Variants in TEX264 observed in about 807,000 individuals in gnomAD.
The protein encoded by TEX264 is testis-expressed protein 264.
In TEX264, 13 loss-of-function variants were observed where a neutral mutation model predicts 23.4. The ratio of observed to expected loss-of-function variants is 0.56; its 90% CI spans 0.36 to 0.88. The LOEUF (loss-of-function observed/expected upper bound fraction) is 0.88. Among genes scored for constraint, TEX264 ranks in the 40% least tolerant of loss-of-function variants. The pLI is 0.01. For missense variants in TEX264, 340 were observed against 406.8 expected, an observed-to-expected ratio of 0.84 and a Z score of 1.41; for synonymous variants, 159 against 170.0, an observed-to-expected ratio of 0.94 and a Z score of 0.50.
intron 3 of TEX264, among the ~76,000 whole-genome samples, chr3:51,684,946 A>G (rs1702562671): frequency 6.6e-6 from 1 of 152,248 alleles, no homozygotes; most frequent in Non-Finnish European, 1.5e-5. Context: ...CTCCTGGCTC[A>G]GATGAATGGA....
At chr3:51,673,929 G>C (rs997856737) in intron 1 of TEX264, among the ~76,000 whole-genome samples, 1 of 152,088 alleles carries the variant, frequency 6.6e-6, no homozygotes, top group African/African-American at 2.4e-5. Flanking sequence ...GTACATCTTC[G>C]GGGAGACTTG....
At chr3:51,678,039 A>T (rs1022209638) in intron 2 of TEX264, among the ~76,000 whole-genome samples, 1 of 152,156 alleles carries the variant, frequency 6.6e-6, no homozygotes, top group Non-Finnish European at 1.5e-5. Flanking sequence ...ATGGGGTATG[A>T]GTTCAGAGAT....
chr3:51,674,704 G>T, intron 2 of TEX264, 142 bp downstream of exon 2: 1 of 1,001,580 alleles, frequency 1.0e-6, no homozygotes, highest in Non-Finnish European at 1.4e-6. Flanking sequence ...TGAGCTTGAA[G>T]CACCTTCCAG....
chr3:51,691,067 A>G lies in TEX264; in HGVS notation c.480+6433A>G, dbSNP rs944679182. On this transcript the variant is annotated intron_variant, in intron 3 of 4. Coordinates refer to ENST00000341333, the MANE Select transcript of TEX264 (RefSeq NM_015926.6). The surrounding 1 kb of genome is among the most constrained non-coding windows in gnomAD (Gnocchi z 4.4). ...TGGGCTTTCTTTCCTTCTTTCTCCA[A>G]CCCTGGTAGTCACAGTTGGAGGCTG... is the stretch of plus-strand genomic sequence containing the variant. 2.0e-4 allele frequency among the ~76,000 whole-genome samples: 30 copies of G among 152,056 alleles called. No homozygotes were observed. The highest frequency in any genetic ancestry group is 4.4e-5 in the Non-Finnish European group (3 of 68,006).
In TEX264 at chr3:51,684,586, C is replaced by T. The variant is rs956652457; in HGVS notation, c.432C>T (p.Ile144=). ...ATFPYTTILS[I]WLATRRVHPA... ...TCCCCTACACCACCATTCTGTCCATCTGGCTGGCTACCCGCCGTGTCCATC... is the reference window on the plus strand; with the variant it reads ...TCCCCTACACCACCATTCTGTCCATTTGGCTGGCTACCCGCCGTGTCCATC... Residue 144 remains isoleucine (I), a synonymous_variant, in exon 3 of 5, where the codon ATC becomes ATT. Transcript: ENST00000341333. The T allele has an allele frequency of 4.3e-6, 7 of 1,614,130 alleles. No individual in the cohort carries two copies. Among genetic ancestry groups the T allele is most frequent in the African/African-American group, 4.0e-5 (3 of 74,936 alleles).
chr3:51,698,547 G>T (rs891833855), intron 3 of TEX264, among the ~76,000 whole-genome samples: 1 of 152,194 alleles, frequency 6.6e-6, no homozygotes, highest in Non-Finnish European at 1.5e-5. Context: ...TGGCATGTCT[G>T]TGCCCCTCCA....
At chr3:51,696,066 T>C (rs1465351045) in intron 3 of TEX264, among the ~76,000 whole-genome samples, 2 of 152,132 alleles carry the variant, frequency 1.3e-5, no homozygotes, top group Non-Finnish European at 2.9e-5. Flanking sequence ...TGGAGAGGAA[T>C]GTGAACATCT....
intron 3 of TEX264, 56 bp downstream of exon 3, chr3:51,684,690 G>A: frequency 6.4e-7 from 1 of 1,567,438 alleles, no homozygotes; most frequent in Admixed American, 1.7e-5. Flanking sequence ...CTTGGGTGGA[G>A]CTGAGGAGGA....
chr3:51,671,429 G>C, intron 1 of TEX264, 141 bp downstream of exon 1: 1 of 153,556 alleles, frequency 6.5e-6, no homozygotes, highest in Non-Finnish European at 1.5e-5. Context: ...ATCTTGTCTT[G>C]CCCACAGCTG....
chr3:51,704,034 C>T lies in TEX264; in HGVS notation c.*18C>T, dbSNP rs559509307. The T allele has an allele frequency of 5.3e-5, 77 of 1,466,316 alleles. No homozygotes were observed. In the African/African-American group the frequency reaches 9.1e-4, roughly 17 times the overall value. The allele number at this position is 1,466,316 out of a possible 1,614,324, so 90.8% of individuals were successfully genotyped here. A position where few individuals can be genotyped will look rare whatever the true frequency, so the allele number is the denominator to read the frequency against. ...AGGAGTAACCCATGGCCTGCACCCT[C>T]CTGCAGTGCAGTTGCTGAGGAACTG... On this transcript the variant is annotated 3_prime_UTR_variant, in exon 5 of 5. Coordinates refer to ENST00000341333, the MANE Select transcript of TEX264 (RefSeq NM_015926.6).
At position 51,703,903 on chromosome 3, in the gene TEX264, G is replaced by C. The variant is rs1703424556; in HGVS notation, c.829G>C (p.Asp277His). The C allele has an allele frequency of 6.2e-7, 1 of 1,610,862 alleles. No homozygotes were observed. Among genetic ancestry groups the C allele is most frequent in the Admixed American group, 1.7e-5 (1 of 59,930 alleles). The change falls in exon 5 of 5, where the codon GAC (aspartate) becomes CAC (histidine). Residue 277 changes from aspartate to histidine, a missense_variant. Transcript: ENST00000341333. The surrounding 1 kb of genome is among the most constrained non-coding windows in gnomAD (Gnocchi z 4.8). ...CAGCGGCTCCTCTTTTGAGGAGCTG[G>C]ACTTGGAGGGCGAGGGGCCCTTAGG... is the stretch of plus-strand genomic sequence containing the variant. ...GASGSSFEELDLEGEGPLGES... is the reference protein window; with the variant it reads ...GASGSSFEELHLEGEGPLGES...
rs1703201138 is a variant in TEX264, at chr3:51,699,511, A to G, written c.586A>G (p.Lys196Glu). The G allele has an allele frequency of 6.2e-7, 1 of 1,613,932 alleles. No individual in the cohort carries two copies. Among genetic ancestry groups the G allele is most frequent in the East Asian group, 2.2e-5 (1 of 44,892 alleles). Residue 196 changes from lysine to glutamate, a missense_variant, in exon 4 of 5, where the codon AAG (lysine) becomes GAG (glutamate). Physicochemically the swap from Lys to Glu is moderately conservative, Grantham distance 56. Transcript: ENST00000341333. ...RQGDFYVPEM[K>E]ETEWKWRGLV... ...GGGAGACTTCTATGTGCCTGAGATG[A>G]AGGAGACAGAGTGGAAATGGCGGGG...
At chr3:51,675,291 A>G (rs567507234) in intron 2 of TEX264, among the ~76,000 whole-genome samples, 3 of 152,258 alleles carry the variant, frequency 2.0e-5, no homozygotes, top group East Asian at 1.9e-4. Context: ...CTGCTATGCT[A>G]TGGGGTGGTG....
In TEX264 at chr3:51,703,729, G is replaced by A; in HGVS notation, c.655G>A (p.Asp219Asn). 2 of 1,585,436 alleles carry A rather than the reference G, an allele frequency of 1.3e-6. No homozygotes were observed. Among genetic ancestry groups the A allele is most frequent in the Non-Finnish European group, 1.7e-6 (2 of 1,159,544 alleles). The change falls in exon 5 of 5, where the codon GAC becomes AAC. Residue 219 changes from aspartate to asparagine, a missense_variant. Coordinates refer to ENST00000341333, the MANE Select transcript of TEX264 (RefSeq NM_015926.6). This position sits in a 1 kb window ranked among gnomAD's most constrained non-coding sequence, Gnocchi z 4.8. ...CTCCCTTTTCCTGGTCATAGGAGCT[G>A]ACACAATGAGTGACACGAGTTCTGT... The part of the protein sequence containing the change: ...IDTQVDGTGA[D>N]TMSDTSSVSL...
chr3:51,677,616 C>T (rs181343687), intron 2 of TEX264, among the ~76,000 whole-genome samples: 22 of 152,268 alleles, frequency 1.4e-4, no homozygotes, highest in Admixed American at 1.2e-3. Flanking sequence ...TGAGGTGTGA[C>T]GGACAGCTCC....
intron 2 of TEX264, among the ~76,000 whole-genome samples, chr3:51,675,756 G>A (rs958283708): frequency 1.3e-5 from 2 of 152,174 alleles, no homozygotes; most frequent in African/African-American, 4.8e-5. Flanking sequence ...GTTGGGAAGG[G>A]GTACTTGGCT....
At chr3:51,684,079 G>A (rs561034048) in intron 2 of TEX264, 2 of 331,162 alleles carry the variant, frequency 6.0e-6, no homozygotes, top group Admixed American at 9.2e-5. Flanking sequence ...CCATGTGGAG[G>A]GTGATGGTTC....
At chr3:51,677,107 G>A (rs1029572675) in intron 2 of TEX264, among the ~76,000 whole-genome samples, 4 of 152,208 alleles carry the variant, frequency 2.6e-5, no homozygotes, top group African/African-American at 9.6e-5. Flanking sequence ...AGACTGGTCC[G>A]GAAGGACCTG....
intron 4 of TEX264, among the ~76,000 whole-genome samples, chr3:51,700,896 C>G (rs1326073011): frequency 1.3e-5 from 2 of 152,124 alleles, no homozygotes; most frequent in East Asian, 1.9e-4. Flanking sequence ...CCCAGCGGGA[C>G]TCGGTGTTTG....
Sources: gnomAD v4.1 joint callset for allele counts (sites outside exome capture counted in the v4.1 genomes callset) on GRCh38, gnomAD v4.1.1 for gene constraint, Gnocchi (gnomAD v3.1) non-coding constraint, MANE v1.5 for transcripts, NCBI Gene and HGNC (gene_info 2026-07-23, HGNC 2026-07-21) for gene names.